Variants in ACP3 observed in about 807,000 individuals in gnomAD.
ACP3 encodes the protein prostatic acid phosphatase.
A neutral mutation model predicts 45.6 loss-of-function variants in ACP3; 38 were observed. The observed-to-expected ratio is 0.83, with a 90% CI of 0.64 to 1.09. The LOEUF is 1.09. Ranked by LOEUF, ACP3 falls within the 50% of genes least tolerant of loss-of-function variation. The probability of loss-of-function intolerance (pLI) is 0.00; values close to 1 mark genes in which losing one functional copy is unlikely to be tolerated. For synonymous variants in ACP3, 162 were observed against 164.7 expected, an observed-to-expected ratio of 0.98 and a Z score of 0.13; for missense variants, 466 against 463.2, an observed-to-expected ratio of 1.01 and a Z score of -0.05.
At chr3:132,327,391 G>A (rs1937316788) in intron 1 of ACP3, among the ~76,000 whole-genome samples, 1 of 151,486 alleles carries the variant, frequency 6.6e-6, no homozygotes, top group Admixed American at 6.6e-5. Flanking sequence ...GCGTGTGCCT[G>A]TAATCCCAGC....
chr3:132,344,553 C>G (rs1318043560), intron 6 of ACP3, among the ~76,000 whole-genome samples: 3 of 152,068 alleles, frequency 2.0e-5, no homozygotes, highest in Non-Finnish European at 4.4e-5. Context: ...ACTGGCCTCT[C>G]AGGCAGCCCA....
chr3:132,336,523 G>A (rs1175002427), intron 4 of ACP3, among the ~76,000 whole-genome samples: 1 of 152,182 alleles, frequency 6.6e-6, no homozygotes, highest in Non-Finnish European at 1.5e-5. Context: ...AGCAAAAGCA[G>A]AGAAAATTAC....
chr3:132,328,155 T>C, intron 1 of ACP3, 112 bp from the exon 2 acceptor site: 5 of 722,166 alleles, frequency 6.9e-6, no homozygotes, highest in African/African-American at 1.8e-5. Context: ...GTGATTACAA[T>C]GGGAAGCCAA....
intron 9 of ACP3, among the ~76,000 whole-genome samples, chr3:132,354,840 A>G (rs1369571924): frequency 6.6e-6 from 1 of 152,246 alleles, no homozygotes; most frequent in Non-Finnish European, 1.5e-5. Flanking sequence ...TACATTTTAT[A>G]AAATGATTTT....
intron 8 of ACP3, among the ~76,000 whole-genome samples, chr3:132,352,243 T>C (rs1937759377): frequency 6.6e-6 from 1 of 152,092 alleles, no homozygotes; most frequent in African/African-American, 2.4e-5. Context: ...CTCTGTCACC[T>C]TCTGAGTGCA....
At position 132,331,632 on chromosome 3, in the gene ACP3, AT is replaced by A. The variant is rs761344262; in HGVS notation, c.217-8del. Reference sequence around the variant, plus strand: ...CTTACTTTCATTAATTTTTGCTTTTATTTTTTTCCCATAGCTGGGCATGGAG... The same window carrying A: ...CTTACTTTCATTAATTTTTGCTTTTATTTTTTCCCATAGCTGGGCATGGAG... On this transcript the variant is annotated splice_polypyrimidine_tract_variant and intron_variant, in intron 2 of 9. Transcript: ENST00000336375. 3 of 1,568,370 alleles carry A rather than the reference AT, an allele frequency of 1.9e-6. No individual in the cohort carries two copies. Among genetic ancestry groups the A allele is most frequent in the Admixed American group, 2.2e-5 (1 of 45,878 alleles).
chr3:132,367,562 C>T, intron 10 of ACP3: 1 of 651,452 alleles, frequency 1.5e-6, no homozygotes, highest in Non-Finnish European at 2.8e-6. Flanking sequence ...CTCTTCTTAG[C>T]ACACACATAA....
chr3:132,332,061 C>A, intron 3 of ACP3, 131 bp from the exon 4 acceptor site: 3 of 1,067,850 alleles, frequency 2.8e-6, no homozygotes, highest in Middle Eastern at 2.9e-4. Flanking sequence ...TATTATGATT[C>A]TGATGTTAGC....
chr3:132,345,659 A>T (rs1319051245), intron 7 of ACP3, among the ~76,000 whole-genome samples: 2 of 152,232 alleles, frequency 1.3e-5, no homozygotes, highest in East Asian at 1.9e-4. Flanking sequence ...TTTCATTGAC[A>T]TTGAAAGCTG....
At chr3:132,318,659 T>C (rs1937151456) in intron 1 of ACP3, among the ~76,000 whole-genome samples, 1 of 152,156 alleles carries the variant, frequency 6.6e-6, no homozygotes, top group South Asian at 2.1e-4. Flanking sequence ...AAACTATCAA[T>C]TTATTTACAA....
At chr3:132,318,933 C>T (rs1180132358) in intron 1 of ACP3, among the ~76,000 whole-genome samples, 1 of 152,176 alleles carries the variant, frequency 6.6e-6, no homozygotes, top group Non-Finnish European at 1.5e-5. Context: ...TGTATTCCCT[C>T]CTCCATGTTT....
rs548789954 is a variant in ACP3 at position 132,331,602 on chromosome 3, T to C, written c.217-45T>C. ...CAAATTTTTATGATAGTGTGATTCA[T>C]AGAACTTACTTTCATTAATTTTTGC... On this transcript the variant is annotated intron_variant, in intron 2 of 9. Transcript: ENST00000336375. 4 of 1,474,544 alleles carry C rather than the reference T, an allele frequency of 2.7e-6. No individual in the cohort carries two copies. In the African/African-American group the frequency reaches 4.3e-5, roughly 16 times the overall value. The allele number at this position is 1,474,544 out of a possible 1,614,324, so 91.3% of individuals were successfully genotyped here.
At chr3:132,327,161 A>C (rs1211853054) in intron 1 of ACP3, among the ~76,000 whole-genome samples, 2 of 152,232 alleles carry the variant, frequency 1.3e-5, no homozygotes, top group Non-Finnish European at 2.9e-5. Context: ...AAAATGAACA[A>C]ATCATTGGCT....
At chr3:132,334,589 A>T (rs1290361887) in intron 4 of ACP3, among the ~76,000 whole-genome samples, 1 of 152,198 alleles carries the variant, frequency 6.6e-6, no homozygotes, top group Non-Finnish European at 1.5e-5. Flanking sequence ...TCATAAAGAG[A>T]GTGAGAACTT....
Position 132,341,465 on chromosome 3 carries a change from T to G in ACP3, c.556-1087T>G, listed in dbSNP as rs542630538. ...TACCAATGTTGAACAATCTTTATAT[T>G]TCTCAAATCAAACCCATTTCCTTTT... On this transcript the variant is annotated intron_variant, in intron 5 of 9. Coordinates refer to ENST00000336375, the MANE Select transcript of ACP3 (RefSeq NM_001099.5). Among the ~76,000 whole-genome samples, 26 of 152,354 alleles carry G rather than the reference T, an allele frequency of 1.7e-4. No individual in the cohort carries two copies. In the South Asian group the frequency reaches 5.2e-3, roughly 30 times the overall value.
intron 9 of ACP3, among the ~76,000 whole-genome samples, chr3:132,354,869 C>G (rs1406105114): frequency 6.6e-6 from 1 of 152,134 alleles, no homozygotes; most frequent in Non-Finnish European, 1.5e-5. Flanking sequence ...TCTTTGTACT[C>G]ATCTTTGGCT....
At chr3:132,350,081 A>T (rs2290541) in intron 8 of ACP3, 79 bp downstream of exon 8, 493,209 of 989,126 alleles carry the variant, frequency 0.5, 128,279 homozygotes, top group Middle Eastern at 0.57. Flanking sequence ...ATCTTTTTTT[A>T]ATCTTCATTT....
chr3:132,328,196 A>G (rs78007362), intron 1 of ACP3, 71 bp from the exon 2 acceptor site: 4 of 1,225,334 alleles, frequency 3.3e-6, no homozygotes, highest in Non-Finnish European at 3.5e-6. Flanking sequence ...AAAAAAAAAA[A>G]CTATTATAAT....
At chr3:132,365,586 C>T (rs1938118730) in intron 10 of ACP3, among the ~76,000 whole-genome samples, 1 of 152,202 alleles carries the variant, frequency 6.6e-6, no homozygotes, top group East Asian at 1.9e-4. Flanking sequence ...ATCATTAGAA[C>T]TGTAGCTTTT....
Sources: allele counts gnomAD v4.1 joint callset (sites outside exome capture counted in the v4.1 genomes callset), GRCh38; gene constraint gnomAD v4.1.1; transcripts MANE v1.5; gene names NCBI Gene and HGNC (gene_info 2026-07-23, HGNC 2026-07-21).